The following PDS5B variants were observed in gnomAD, a reference collection of about 807,000 sequenced individuals.
PDS5B encodes the protein PDS5 cohesin associated factor B.
A neutral mutation model predicts 184.1 loss-of-function variants in PDS5B; 51 were observed. That is an observed-to-expected ratio of 0.28 (90% CI 0.22 to 0.35). PDS5B has a LOEUF of 0.35. PDS5B is among the 10% of genes least tolerant of loss of function. The pLI, the probability that PDS5B is intolerant of heterozygous loss-of-function variation, is 1.00. For synonymous variants in PDS5B, 566 were observed against 569.2 expected, an observed-to-expected ratio of 0.99 and a Z score of 0.08; for missense variants, 1,180 against 1,723.3, an observed-to-expected ratio of 0.68 and a Z score of 5.58.
chr13:32,672,492 T>TA (rs1159001415), intron 7 of PDS5B, among the ~76,000 whole-genome samples: 1 of 152,124 alleles, frequency 6.6e-6, no homozygotes, highest in African/African-American at 2.4e-5. Context: ...GGAATTGACT[T>TA]ATGAGATTAC....
intron 6 of PDS5B, among the ~76,000 whole-genome samples, chr13:32,662,842 A>G (rs577277134): frequency 5.9e-5 from 9 of 152,188 alleles, no homozygotes; most frequent in Admixed American, 2.0e-4. Flanking sequence ...AAATAAGCAA[A>G]TGCTTGGAAA....
intron 17 of PDS5B, among the ~76,000 whole-genome samples, chr13:32,702,176 T>A (rs138226355): frequency 8.2e-4 from 125 of 152,314 alleles, no homozygotes; most frequent in Admixed American, 2.8e-3. Flanking sequence ...TTTCATCTTA[T>A]GCTCAAACCC....
At chr13:32,668,306 T>G (rs921355943) in intron 7 of PDS5B, among the ~76,000 whole-genome samples, 4 of 152,216 alleles carry the variant, frequency 2.6e-5, no homozygotes. Context: ...TAAAAGTTGC[T>G]TATCTATTGC....
At chr13:32,701,102 G>T (rs1951849224) in intron 16 of PDS5B, 2 of 359,886 alleles carry the variant, frequency 5.6e-6, no homozygotes, top group Admixed American at 4.4e-5. Context: ...TTTCAATACA[G>T]TGTATTGACT....
At chr13:32,662,880 C>CT (rs1950685343) in intron 6 of PDS5B, among the ~76,000 whole-genome samples, 1 of 151,976 alleles carries the variant, frequency 6.6e-6, no homozygotes, top group Admixed American at 6.6e-5. Context: ...GAAATGGTGT[C>CT]TATGTACAGT....
At chr13:32,714,421 AG>A (rs1327625666) in intron 19 of PDS5B, among the ~76,000 whole-genome samples, 2 of 152,202 alleles carry the variant, frequency 1.3e-5, no homozygotes, top group Non-Finnish European at 2.9e-5. Context: ...ATCAGGAGAC[AG>A]GGTTTTGAGA....
chr13:32,727,568 T>A (rs1329897389), intron 19 of PDS5B, among the ~76,000 whole-genome samples: 1 of 152,150 alleles, frequency 6.6e-6, no homozygotes, highest in Non-Finnish European at 1.5e-5. Flanking sequence ...ATAATTTTGC[T>A]TGGAATATAA....
At chr13:32,599,339 C>G (rs1375656169) in intron 1 of PDS5B, among the ~76,000 whole-genome samples, 2 of 151,962 alleles carry the variant, frequency 1.3e-5, no homozygotes, top group East Asian at 2.0e-4. Flanking sequence ...TCTCAGCTCA[C>G]TGCAACCTCT....
At chr13:32,672,387 A>G (rs1950960446) in intron 7 of PDS5B, among the ~76,000 whole-genome samples, 3 of 152,108 alleles carry the variant, frequency 2.0e-5, no homozygotes, top group Middle Eastern at 3.4e-3. Flanking sequence ...GTATATACAG[A>G]CACACATATA....
intron 1 of PDS5B, among the ~76,000 whole-genome samples, chr13:32,589,723 C>T (rs1403813331): frequency 6.6e-6 from 1 of 152,124 alleles, no homozygotes; most frequent in South Asian, 2.1e-4. Flanking sequence ...TATTCCTGTT[C>T]GGGAATGTTA....
chr13:32,690,607 A>G (rs1330044073), intron 13 of PDS5B: 2 of 152,210 alleles, frequency 1.3e-5, no homozygotes, highest in African/African-American at 4.8e-5. Flanking sequence ...ATAGAAAACA[A>G]GAAAAATAAC....
chr13:32,729,724 TG>T (rs1953036999), intron 19 of PDS5B, among the ~76,000 whole-genome samples: 1 of 152,224 alleles, frequency 6.6e-6, no homozygotes, highest in African/African-American at 2.4e-5. Flanking sequence ...TTCATATGTT[TG>T]TTGGCCATAT....
intron 10 of PDS5B, among the ~76,000 whole-genome samples, chr13:32,679,887 G>C (rs1951184987): frequency 1.9e-5 from 1 of 52,836 alleles, no homozygotes; most frequent in South Asian, 7.2e-4. Context: ...GTCTGTGAGT[G>C]TGTGTGTGTG....
At chr13:32,714,610 T>C (rs1952314163) in intron 19 of PDS5B, among the ~76,000 whole-genome samples, 1 of 152,208 alleles carries the variant, frequency 6.6e-6, no homozygotes, top group Admixed American at 6.5e-5. Flanking sequence ...TTCTCAGGGA[T>C]GTTCCATGCT....
chr13:32,729,390 AG>A (rs1413206768), intron 19 of PDS5B, among the ~76,000 whole-genome samples: 3 of 152,158 alleles, frequency 2.0e-5, no homozygotes, highest in Non-Finnish European at 4.4e-5. Flanking sequence ...TATTGTGAAT[AG>A]TGCTGCAGTA....
intron 1 of PDS5B, among the ~76,000 whole-genome samples, chr13:32,634,669 C>T (rs9595963): frequency 0.33 from 49,922 of 151,358 alleles, 9,117 homozygotes; most frequent in Non-Finnish European, 0.42. Flanking sequence ...CTGCAACCTC[C>T]ACCTCCAGGG....
chr13:32,622,748 T>C (rs145908004), intron 1 of PDS5B, among the ~76,000 whole-genome samples: 2 of 152,356 alleles, frequency 1.3e-5, no homozygotes, highest in East Asian at 3.9e-4. Context: ...TTTGAATCTT[T>C]TAATCATTTT....
chr13:32,738,863 G>A (rs1310305973), intron 21 of PDS5B, among the ~76,000 whole-genome samples: 1 of 151,888 alleles, frequency 6.6e-6, no homozygotes, highest in Admixed American at 6.6e-5. Context: ...GTAGAGATGG[G>A]GTTTCACCAT....
At chr13:32,735,142 T>C in intron 20 of PDS5B, 30 bp from the exon 21 acceptor site, 1 of 1,449,950 alleles carries the variant, frequency 6.9e-7, no homozygotes, top group South Asian at 1.5e-5. Flanking sequence ...TGTGTAGAGT[T>C]GAAATATATT....
Sources: allele counts gnomAD v4.1 joint callset (sites outside exome capture counted in the v4.1 genomes callset), GRCh38; gene constraint gnomAD v4.1.1; transcripts MANE v1.5; gene names NCBI Gene and HGNC (gene_info 2026-07-23, HGNC 2026-07-21).